The following KCNMB2 variants were observed in gnomAD, a reference collection of about 807,000 sequenced individuals.
KCNMB2 encodes potassium calcium-activated channel subfamily M regulatory beta subunit 2.
A neutral mutation model predicts 24.5 loss-of-function variants in KCNMB2; 9 were observed. The ratio of observed to expected loss-of-function variants is 0.37; its 90% CI spans 0.22 to 0.64. The LOEUF is 0.64. Among genes scored for constraint, KCNMB2 ranks in the 30% least tolerant of loss-of-function variants. The probability of loss-of-function intolerance (pLI) is 0.63; values close to 1 mark genes in which losing one functional copy is unlikely to be tolerated. For missense variants in KCNMB2, 226 were observed against 284.3 expected (o/e 0.79, Z 1.47); for synonymous variants, 109 against 104.4 (o/e 1.04, Z -0.27).
At chr3:178,647,699 G>GT (rs1231448003) in intron 1 of KCNMB2, among the ~76,000 whole-genome samples, 7 of 152,100 alleles carry the variant, frequency 4.6e-5, no homozygotes, top group African/African-American at 1.7e-4. Context: ...AACCAAGGCA[G>GT]TTTTATTTAT....
At chr3:178,822,722 T>C (rs1415118536) in intron 2 of KCNMB2, among the ~76,000 whole-genome samples, 1 of 152,258 alleles carries the variant, frequency 6.6e-6, no homozygotes, top group Non-Finnish European at 1.5e-5. Context: ...TTCCCCTCTC[T>C]ATACATTCCA....
At chr3:178,701,944 T>C (rs1273474575) in intron 1 of KCNMB2, among the ~76,000 whole-genome samples, 6 of 151,980 alleles carry the variant, frequency 3.9e-5, no homozygotes, top group African/African-American at 1.2e-4. Flanking sequence ...ATATACCCAA[T>C]GGAATATAAA....
chr3:178,565,098 A>G (rs1026472521), intron 1 of KCNMB2, among the ~76,000 whole-genome samples: 6 of 152,230 alleles, frequency 3.9e-5, no homozygotes, highest in African/African-American at 1.4e-4. Flanking sequence ...TTAATAAAGT[A>G]TATATACATC....
intron 1 of KCNMB2, among the ~76,000 whole-genome samples, chr3:178,747,923 A>C (rs1046362947): frequency 2.6e-5 from 4 of 152,238 alleles, no homozygotes; most frequent in African/African-American, 9.6e-5. Context: ...ACTTGGTTGA[A>C]ATAGCACCAA....
chr3:178,785,633 G>A (rs1713071544), intron 1 of KCNMB2, among the ~76,000 whole-genome samples: 1 of 152,010 alleles, frequency 6.6e-6, no homozygotes, highest in African/African-American at 2.4e-5. Context: ...ATAAAAAGGG[G>A]TTCTGTGATT....
chr3:178,538,817 G>T (rs1376246530), intron 1 of KCNMB2, among the ~76,000 whole-genome samples: 1 of 152,026 alleles, frequency 6.6e-6, no homozygotes, highest in Non-Finnish European at 1.5e-5. Flanking sequence ...GCCAAACCAA[G>T]TAATTTAGTC....
At chr3:178,550,224 G>A (rs1715902859) in intron 1 of KCNMB2, among the ~76,000 whole-genome samples, 1 of 151,880 alleles carries the variant, frequency 6.6e-6, no homozygotes, top group Non-Finnish European at 1.5e-5. Flanking sequence ...GCCGAGGCGG[G>A]CGGATCATGA....
At chr3:178,701,793 A>G (rs1056119291) in intron 1 of KCNMB2, among the ~76,000 whole-genome samples, 1 of 152,198 alleles carries the variant, frequency 6.6e-6, no homozygotes, top group Non-Finnish European at 1.5e-5. Context: ...GATGTGGAGA[A>G]ATAGGAACAC....
intron 1 of KCNMB2, among the ~76,000 whole-genome samples, chr3:178,715,939 C>G (rs1050119850): frequency 2.0e-5 from 3 of 152,186 alleles, no homozygotes; most frequent in Non-Finnish European, 4.4e-5. Flanking sequence ...TGATTGAGAT[C>G]TGGATAAGAT....
chr3:178,594,284 G>A (rs140764498), intron 1 of KCNMB2, among the ~76,000 whole-genome samples: 11 of 152,182 alleles, frequency 7.2e-5, no homozygotes, highest in Admixed American at 7.2e-4. Flanking sequence ...CTTCCATGGT[G>A]AGAATGTCTG....
At chr3:178,704,046 T>C (rs1406321621) in intron 1 of KCNMB2, among the ~76,000 whole-genome samples, 1 of 152,154 alleles carries the variant, frequency 6.6e-6, no homozygotes, top group East Asian at 1.9e-4. Flanking sequence ...AAGAATCATT[T>C]CACTTTATAA....
chr3:178,793,684 A>G (rs1713419538), intron 1 of KCNMB2, among the ~76,000 whole-genome samples: 1 of 152,158 alleles, frequency 6.6e-6, no homozygotes, highest in Non-Finnish European at 1.5e-5. Flanking sequence ...GAAGACGATT[A>G]AGAAGGAGCC....
chr3:178,773,193 C>T (rs1241051383), intron 1 of KCNMB2, among the ~76,000 whole-genome samples: 1 of 152,122 alleles, frequency 6.6e-6, no homozygotes, highest in Non-Finnish European at 1.5e-5. Flanking sequence ...AAAGGCCTAT[C>T]GTCCTCCCTT....
At chr3:178,625,160 C>T (rs1191819045) in intron 1 of KCNMB2, among the ~76,000 whole-genome samples, 1 of 152,068 alleles carries the variant, frequency 6.6e-6, no homozygotes, top group Admixed American at 6.5e-5. Context: ...ACACACAGTC[C>T]CAGGAGCCAG....
At chr3:178,691,803 C>A (rs1037410586) in intron 1 of KCNMB2, among the ~76,000 whole-genome samples, 2 of 152,052 alleles carry the variant, frequency 1.3e-5, no homozygotes, top group Non-Finnish European at 2.9e-5. Context: ...GTATTTCTGT[C>A]TTTAGGTATT....
chr3:178,688,510 T>G (rs577518541), intron 1 of KCNMB2, among the ~76,000 whole-genome samples: 33 of 152,220 alleles, frequency 2.2e-4, no homozygotes, highest in Admixed American at 2.0e-3. Flanking sequence ...CAAATAAATA[T>G]GCCAACTTTA....
At chr3:178,582,671 T>C (rs544278380) in intron 1 of KCNMB2, among the ~76,000 whole-genome samples, 1 of 152,186 alleles carries the variant, frequency 6.6e-6, no homozygotes, top group Admixed American at 6.6e-5. Context: ...CATCTATCAC[T>C]AATTTTTTTT....
At chr3:178,540,420 G>A (rs151148966) in intron 1 of KCNMB2, among the ~76,000 whole-genome samples, 2 of 152,244 alleles carry the variant, frequency 1.3e-5, no homozygotes, top group East Asian at 3.9e-4. Context: ...CAATATTGAC[G>A]TTAAGTCCTA....
At chr3:178,725,936 T>A (rs1345958224) in intron 1 of KCNMB2, among the ~76,000 whole-genome samples, 1 of 151,968 alleles carries the variant, frequency 6.6e-6, no homozygotes, top group East Asian at 1.9e-4. Context: ...GATCATTTGC[T>A]TTTAATATAA....
Sources: gnomAD v4.1 joint callset for allele counts (sites outside exome capture counted in the v4.1 genomes callset) on GRCh38, gnomAD v4.1.1 for gene constraint, MANE v1.5 for transcripts, NCBI Gene and HGNC (gene_info 2026-07-23, HGNC 2026-07-21) for gene names.